The following FAM3B variants were observed in gnomAD, a reference collection of about 807,000 sequenced individuals.
FAM3B encodes FAM3 metabolism regulating signaling molecule B.
FAM3B carries 29 observed loss-of-function variants against 28.4 expected under a neutral mutation model. That is an observed-to-expected ratio of 1.02 (90% CI 0.76 to 1.39). The LOEUF is 1.39. Among genes scored for constraint, FAM3B ranks in the 40% most tolerant of loss-of-function variants. FAM3B has a pLI of 0.00. For missense variants in FAM3B, 266 were observed against 293.9 expected (o/e 0.91, Z 0.69); for synonymous variants, 91 against 103.0 (o/e 0.88, Z 0.71).
rs756310800 is a variant in FAM3B at position 41,347,035 on chromosome 21, G to T, written c.420G>T (p.Lys140Asn). Residue 140 changes from lysine to asparagine, a missense_variant, in exon 6 of 8, where the codon AAG becomes AAT. Lys to Asn is a moderately conservative substitution (Grantham distance 94, BLOSUM62 0). Coordinates refer to ENST00000357985, the MANE Select transcript of FAM3B (RefSeq NM_058186.4). ...TAGATAACTCTGGACCGATGACAAAGTTTATTCAGAGTGCTGCTCCAAAAT... is the reference window on the plus strand; with the variant it reads ...TAGATAACTCTGGACCGATGACAAATTTTATTCAGAGTGCTGCTCCAAAAT... ...YEGDNSGPMTKFIQSAAPKSL... is the reference protein window; with the variant it reads ...YEGDNSGPMTNFIQSAAPKSL... The T allele has an allele frequency of 1.2e-6, 2 of 1,614,144 alleles. No homozygotes were observed. The highest frequency in any genetic ancestry group is 1.7e-6 in the Non-Finnish European group (2 of 1,179,998).
chr21:41,351,325 G>C lies in FAM3B; in HGVS notation c.618+2601G>C, dbSNP rs187409156. Among the ~76,000 whole-genome samples the C allele has an allele frequency of 5.7e-4, 87 of 152,294 alleles. 1 individual carries two copies. Among genetic ancestry groups the C allele is most frequent in the Middle Eastern group, 6.8e-3 (2 of 294 alleles). ...ATGTGTTTGGAAATGGTGGCTCCAA[G>C]TGAATTTCAGGAAAATGCCTGTTTT... On this transcript the variant is annotated intron_variant, in intron 7 of 7. Coordinates refer to ENST00000357985, the MANE Select transcript of FAM3B (RefSeq NM_058186.4).
chr21:41,305,768 C>G (rs1461035559), intron 1 of FAM3B, among the ~76,000 whole-genome samples: 3 of 152,174 alleles, frequency 2.0e-5, no homozygotes, highest in African/African-American at 7.2e-5. Context: ...AATCTTTTTG[C>G]TGGTGGAGGG....
intron 1 of FAM3B, among the ~76,000 whole-genome samples, chr21:41,311,251 A>AAATAT (rs1555866518): frequency 1.1e-3 from 38 of 35,052 alleles, no homozygotes; most frequent in Admixed American, 1.8e-3. Flanking sequence ...AAAAAAAAAA[A>AAATAT]ATATATATAT....
chr21:41,325,989 C>T (rs2088851708), intron 2 of FAM3B, among the ~76,000 whole-genome samples: 1 of 152,228 alleles, frequency 6.6e-6, no homozygotes, highest in African/African-American at 2.4e-5. Flanking sequence ...AGAAGGCTGA[C>T]TGCATCCTAG....
intron 6 of FAM3B, 86 bp from the exon 7 acceptor site, chr21:41,348,506 T>G (rs2089084472): frequency 6.6e-7 from 1 of 1,515,350 alleles, no homozygotes; most frequent in African/African-American, 1.4e-5. Context: ...CATCCAAGGA[T>G]GCACAGCGTA....
intron 2 of FAM3B, among the ~76,000 whole-genome samples, chr21:41,325,779 C>T (rs2145803041): frequency 6.6e-6 from 1 of 152,344 alleles, no homozygotes; most frequent in East Asian, 1.9e-4. Context: ...CCTGTGGTTA[C>T]AGCATATCTG....
At chr21:41,329,662 T>G (rs1171253835) in intron 2 of FAM3B, among the ~76,000 whole-genome samples, 3 of 151,960 alleles carry the variant, frequency 2.0e-5, no homozygotes, top group Admixed American at 2.0e-4. Context: ...CTCCGCCTCC[T>G]GGGTTCAAGC....
intron 2 of FAM3B, among the ~76,000 whole-genome samples, chr21:41,333,739 A>G (rs554254755): frequency 5.3e-5 from 8 of 152,364 alleles, no homozygotes; most frequent in South Asian, 2.1e-4. Context: ...ATAAGGAAGC[A>G]GCTTTGGAAC....
upstream of FAM3B, among the ~76,000 whole-genome samples, chr21:41,314,280 G>A (rs1365785106): frequency 6.6e-6 from 1 of 152,238 alleles, no homozygotes; most frequent in African/African-American, 2.4e-5. Context: ...CCAGTACCTT[G>A]ACCTTAGACT....
At chr21:41,347,734 A>C (rs1188920132) in intron 6 of FAM3B, among the ~76,000 whole-genome samples, 2 of 147,884 alleles carry the variant, frequency 1.4e-5, no homozygotes, top group Non-Finnish European at 1.5e-5. Context: ...GCCCGGTGAC[A>C]GAGCGAGACT....
chr21:41,337,957 G>T (rs1050261548), intron 2 of FAM3B, among the ~76,000 whole-genome samples: 2 of 151,726 alleles, frequency 1.3e-5, no homozygotes, highest in African/African-American at 4.8e-5. Context: ...GTGTGTTTAG[G>T]GTGTCTAAGG....
At chr21:41,346,324 A>C (rs1016604709) in intron 5 of FAM3B, 5 of 153,242 alleles carry the variant, frequency 3.3e-5, no homozygotes, top group African/African-American at 1.2e-4. Context: ...GAAGAATAGA[A>C]AACGCCTGCA....
At position 41,311,252 on chromosome 21, in the gene FAM3B, ATATATATATAT is replaced by A. The variant is rs1231170312; in HGVS notation, n.99+6943_99+6953del. On this transcript the variant is annotated intron_variant and non_coding_transcript_variant, in intron 1 of 9. Coordinates refer to the FAM3B transcript ENST00000479810. ...CTGTCTCTACAAAAAAAAAAAAAAA[ATATATATATAT>A]ATATATATATATATATATATATATA... 6.0e-3 allele frequency among the ~76,000 whole-genome samples: 129 copies of A among 21,536 alleles called. 3 individuals are homozygous for A. The highest frequency in any genetic ancestry group is 9.6e-3 in the South Asian group (4 of 416). The allele number at this position is 21,536 out of a possible 152,430, so 14.1% of individuals were successfully genotyped here.
At position 41,348,137 on chromosome 21, in the gene FAM3B, G is replaced by A. The variant is rs2089081101; in HGVS notation, c.486-455G>A. ...TCTTAATGTTTGCAGTGGCAGTATTGTTTTACATTTCTTTTTCCTTTTTGA... is the reference window on the plus strand; with the variant it reads ...TCTTAATGTTTGCAGTGGCAGTATTATTTTACATTTCTTTTTCCTTTTTGA... On this transcript the variant is annotated intron_variant, in intron 6 of 7. Coordinates refer to ENST00000357985, the MANE Select transcript of FAM3B (RefSeq NM_058186.4). Among the ~76,000 whole-genome samples, 4 of 152,108 alleles carry A rather than the reference G, an allele frequency of 2.6e-5. No homozygotes were observed. In the South Asian group the frequency reaches 8.3e-4, roughly 31 times the overall value.
intron 1 of FAM3B, chr21:41,322,651 G>T: frequency 1.4e-6 from 1 of 718,294 alleles, no homozygotes; most frequent in East Asian, 2.7e-5. Context: ...AACGTTCAAG[G>T]ACGTTTGTTG....
intron 1 of FAM3B, among the ~76,000 whole-genome samples, chr21:41,318,434 G>A (rs2088769631): frequency 6.6e-6 from 1 of 152,170 alleles, no homozygotes; most frequent in African/African-American, 2.4e-5. Flanking sequence ...CTTGAAGTGG[G>A]CGTTGGCCTG....
At chr21:41,346,583 TGTGGCCCTTTATCA>T (rs1430425353) in intron 5 of FAM3B, among the ~76,000 whole-genome samples, 2 of 152,108 alleles carry the variant, frequency 1.3e-5, no homozygotes, top group African/African-American at 2.4e-5. Flanking sequence ...TGGGTGTGGG[TGTGGCCCTTTATCA>T]GTGACTACAG....
chr21:41,348,605 G>A lies in FAM3B; in HGVS notation c.499G>A (p.Ala167Thr), dbSNP rs2089085969. 1.2e-6 allele frequency: 2 copies of A among 1,614,194 alleles called. No homozygotes were observed. Among genetic ancestry groups the A allele is most frequent in the Non-Finnish European group, 1.7e-6 (2 of 1,180,032 alleles). The change falls in exon 7 of 8, where the codon GCC becomes ACC. Residue 167 changes from alanine to threonine, a missense_variant. Transcript: ENST00000357985. ...DDGSTRLNND[A>T]KNAIEALGSK... Reference sequence around the variant, plus strand: ...TTTGTCCTGCAGACTGAATAACGATGCCAAGAATGCCATAGAAGCACTTGG... The same window carrying A: ...TTTGTCCTGCAGACTGAATAACGATACCAAGAATGCCATAGAAGCACTTGG...
chr21:41,347,641 T>C (rs1215601733), intron 6 of FAM3B, among the ~76,000 whole-genome samples: 1 of 150,720 alleles, frequency 6.6e-6, no homozygotes, highest in Non-Finnish European at 1.5e-5. Flanking sequence ...TAGTCCCAGC[T>C]ACTCAGGAGG....
Sources: gnomAD v4.1 joint callset for allele counts (sites outside exome capture counted in the v4.1 genomes callset) on GRCh38, gnomAD v4.1.1 for gene constraint, MANE v1.5 for transcripts, NCBI Gene and HGNC (gene_info 2026-07-23, HGNC 2026-07-21) for gene names.